ATP5PO: variants seen among roughly 807,000 people sequenced by gnomAD.
The protein encoded by ATP5PO is ATP synthase peripheral stalk subunit OSCP, mitochondrial.
Under a neutral mutation model 26.2 loss-of-function variants are expected in ATP5PO, and 14 were observed. The ratio of observed to expected loss-of-function variants is 0.53; its 90% CI spans 0.35 to 0.83. The LOEUF (loss-of-function observed/expected upper bound fraction) is 0.83. ATP5PO is among the 40% of genes least tolerant of loss of function. The pLI is 0.01. For synonymous variants in ATP5PO, 106 were observed against 95.1 expected (o/e 1.12, Z -0.67); for missense variants, 241 against 258.5 (o/e 0.93, Z 0.46).
Position 33,914,495 on chromosome 21 carries a change from T to C in ATP5PO, c.42A>G (p.Arg14=). 1 of 1,613,024 alleles carries C rather than the reference T, an allele frequency of 6.2e-7. No homozygotes were observed. Among genetic ancestry groups the C allele is most frequent in the Non-Finnish European group, 8.5e-7 (1 of 1,179,528 alleles). Residue 14 remains arginine, a synonymous_variant, in exon 2 of 7, where the codon CGA becomes CGG. Coordinates refer to ENST00000290299, the MANE Select transcript of ATP5PO (RefSeq NM_001697.3). ...PAVSGLSRQV[R]CFSTSVVRPF... is the part of the protein sequence containing the mutation. Reference sequence around the variant, plus strand: ...GTCTGACCACAGAGGTACTGAAGCATCGCACCTTCAAAGCAATAAAGGAAA... The same window carrying C: ...GTCTGACCACAGAGGTACTGAAGCACCGCACCTTCAAAGCAATAAAGGAAA...
At position 33,912,371 on chromosome 21, in the gene ATP5PO, C is replaced by T. The variant is rs1054339303; in HGVS notation, c.116G>A (p.Gly39Asp). The change falls in exon 3 of 7, where the codon GGT becomes GAT. Residue 39 changes from glycine to aspartate, a missense_variant. Around this residue, in one of 3 missense-constraint regions of ATP5PO, gnomAD observed 125 missense variants for 108.5 expected, o/e 1.15. Transcript: ENST00000290299. ...AGAATAAAGAGCTGTGGCATAGCGACCTTCAATACCGTATACCTGAACAGG... is the reference window on the plus strand; with the variant it reads ...AGAATAAAGAGCTGTGGCATAGCGATCTTCAATACCGTATACCTGAACAGG... ...RPPVQVYGIE[G>D]RYATALYSAA... 6.2e-7 allele frequency: 1 copy of T among 1,612,560 alleles called. No individual in the cohort carries two copies. The highest frequency in any genetic ancestry group is 2.2e-5 in the East Asian group (1 of 44,808).
rs775852453 is a variant in ATP5PO at position 33,903,973 on chromosome 21, A to G, written c.490T>C (p.Phe164Leu). ...LSELKTVLKS[F>L]LSQGQVLKLE... is the part of the protein sequence containing the mutation. ...TTCAATACTTGGCCTTGACTTAGGA[A>G]GCTCTTGAGGACAGTTTTTAATTCA... Residue 164 changes from phenylalanine (F) to leucine (L), a missense_variant, in exon 6 of 7, where the codon TTC (phenylalanine) becomes CTC (leucine). Phe to Leu is a conservative substitution (Grantham distance 22). Coordinates refer to ENST00000290299, the MANE Select transcript of ATP5PO (RefSeq NM_001697.3). 1.9e-6 allele frequency: 3 copies of G among 1,613,618 alleles called. No individual in the cohort carries two copies. In the South Asian group the frequency reaches 3.3e-5, roughly 18 times the overall value.
intron 5 of ATP5PO, chr21:33,906,691 G>A (rs1569366038): frequency 1.1e-5 from 5 of 456,136 alleles, no homozygotes; most frequent in Admixed American, 2.3e-5. Flanking sequence ...TGAAAGGTTA[G>A]TAACTCTAGT....
At chr21:33,908,379 T>C (rs1476889787) in intron 4 of ATP5PO, among the ~76,000 whole-genome samples, 1 of 152,064 alleles carries the variant, frequency 6.6e-6, no homozygotes, top group Non-Finnish European at 1.5e-5. Flanking sequence ...ACACACTTTC[T>C]CTGCAACTTT....
At chr21:33,910,459 C>T (rs1467610415) in intron 3 of ATP5PO, among the ~76,000 whole-genome samples, 1 of 152,202 alleles carries the variant, frequency 6.6e-6, no homozygotes, top group Non-Finnish European at 1.5e-5. Flanking sequence ...ATCCTTCCCT[C>T]TTAGTGCCAA....
At chr21:33,907,908 T>C (rs903146379) in intron 4 of ATP5PO, among the ~76,000 whole-genome samples, 4 of 152,120 alleles carry the variant, frequency 2.6e-5, no homozygotes, top group Non-Finnish European at 5.9e-5. Context: ...TCCCAGCACT[T>C]TGGATGGCCG....
chr21:33,913,893 C>T (rs1295544266), intron 2 of ATP5PO, among the ~76,000 whole-genome samples: 1 of 152,070 alleles, frequency 6.6e-6, no homozygotes, highest in African/African-American at 2.4e-5. Flanking sequence ...AATTCTCCTA[C>T]CTCAGCCTCC....
intron 1 of ATP5PO, chr21:33,915,517 A>T: frequency 1.5e-6 from 1 of 661,510 alleles, no homozygotes; most frequent in Non-Finnish European, 2.4e-6. Context: ...CGCCAAGGTT[A>T]CGGCACGCGC....
At chr21:33,913,849 T>G (rs1489364575) in intron 2 of ATP5PO, among the ~76,000 whole-genome samples, 1 of 152,054 alleles carries the variant, frequency 6.6e-6, no homozygotes, top group Non-Finnish European at 1.5e-5. Flanking sequence ...GCATGATCTC[T>G]GCTCACTACA....
In ATP5PO at chr21:33,903,532, A is replaced by G. The variant is rs1262686599; in HGVS notation, c.636T>C (p.Ile212=). The part of the protein sequence containing the change: ...IQKLGRAMRE[I]V Reference sequence around the variant, plus strand: ...TGGCAGAAAACCAACACTTTTAGACAATCTCCCGCATAGCCCTGCCCAGCT... The same window carrying G: ...TGGCAGAAAACCAACACTTTTAGACGATCTCCCGCATAGCCCTGCCCAGCT... The change falls in exon 7 of 7, where the codon ATT becomes ATC. Residue 212 remains isoleucine, a synonymous_variant. Transcript: ENST00000290299. 2 of 1,612,028 alleles carry G rather than the reference A, an allele frequency of 1.2e-6. No individual in the cohort carries two copies. The highest frequency in any genetic ancestry group is 8.5e-7 in the Non-Finnish European group (1 of 1,179,082).
intron 3 of ATP5PO, among the ~76,000 whole-genome samples, chr21:33,911,148 C>CAAA (rs1373265859): frequency 4.6e-5 from 7 of 152,160 alleles, no homozygotes; most frequent in African/African-American, 1.7e-4. Context: ...GCTAGAAAAT[C>CAAA]GAAGGAAGCA....
chr21:33,915,748 C>G lies in ATP5PO; in HGVS notation c.16G>C (p.Val6Leu), dbSNP rs2148608275. The change falls in exon 1 of 7, where the codon GTG becomes CTG. Residue 6 changes from valine to leucine, a missense_variant. Transcript: ENST00000290299. ...CTCACCTGCCGGGAGAGCCCGGACA[C>G]TGCTGGGGCAGCCATCTTCTCCCGG... MAAPA[V>L]SGLSRQVRCF... The G allele has an allele frequency of 6.3e-7, 1 of 1,577,050 alleles. No individual in the cohort carries two copies. The highest frequency in any genetic ancestry group is 2.3e-5 in the East Asian group (1 of 43,080).
At chr21:33,910,065 C>T (rs1335645726) in intron 3 of ATP5PO, among the ~76,000 whole-genome samples, 7 of 152,236 alleles carry the variant, frequency 4.6e-5, no homozygotes, top group Admixed American at 1.3e-4. Context: ...TGGGAAACAA[C>T]GTTCTTCTCA....
intron 3 of ATP5PO, 70 bp downstream of exon 3, chr21:33,912,219 T>C: frequency 7.3e-7 from 1 of 1,360,800 alleles, no homozygotes; most frequent in Non-Finnish European, 1.0e-6. Flanking sequence ...TCATTAGGAA[T>C]GCACAAACAA....
At chr21:33,907,254 A>C in intron 5 of ATP5PO, 87 bp downstream of exon 5, 1 of 1,212,962 alleles carries the variant, frequency 8.2e-7, no homozygotes, top group South Asian at 1.3e-5. Context: ...CAATTTCTTG[A>C]TTTTACCCTG....
chr21:33,911,863 A>C (rs1486590400), intron 3 of ATP5PO, among the ~76,000 whole-genome samples: 1 of 151,874 alleles, frequency 6.6e-6, no homozygotes, highest in Non-Finnish European at 1.5e-5. Flanking sequence ...ATGGGGTTTC[A>C]CTATGTCAGC....
intron 5 of ATP5PO, among the ~76,000 whole-genome samples, 181 bp from the exon 6 acceptor site, chr21:33,904,202 C>T (rs189023132): frequency 1.6e-4 from 24 of 152,316 alleles, no homozygotes; most frequent in African/African-American, 5.5e-4. Context: ...TCAGGGAGCA[C>T]AGGAAGGCCC....
intron 1 of ATP5PO, 118 bp downstream of exon 1, chr21:33,915,610 A>G (rs1437759100): frequency 3.8e-5 from 55 of 1,438,096 alleles, no homozygotes; most frequent in Non-Finnish European, 5.1e-5. Context: ...CAGGTCCCAT[A>G]ACCTTGAAGA....
At chr21:33,908,879 G>A (rs2040113) in intron 4 of ATP5PO, 262,840 of 523,792 alleles carry the variant, frequency 0.5, 67,168 homozygotes, top group African/African-American at 0.66. Context: ...TCCTTTAGAC[G>A]ATGCTCCTCA....
Sources: gnomAD v4.1 joint callset for allele counts (sites outside exome capture counted in the v4.1 genomes callset) on GRCh38, gnomAD v4.1.1 for gene constraint, gnomAD v4.1.1 regional missense constraint, MANE v1.5 for transcripts, NCBI Gene and HGNC (gene_info 2026-07-23, HGNC 2026-07-21) for gene names.